Variants in MANBA observed in about 807,000 individuals in gnomAD.
MANBA encodes beta-mannosidase.
A neutral mutation model predicts 111.1 loss-of-function variants in MANBA; 83 were observed. That is an observed-to-expected ratio of 0.75 (90% CI 0.63 to 0.90). MANBA has a LOEUF of 0.90. MANBA is among the 40% of genes least tolerant of loss of function. The pLI is 0.00. For synonymous variants in MANBA, 370 were observed against 378.7 expected (o/e 0.98, Z 0.27); for missense variants, 1,036 against 1,069.0 (o/e 0.97, Z 0.43).
chr4:102,751,372 A>T, intron 1 of MANBA: 1 of 388,378 alleles, frequency 2.6e-6, no homozygotes, highest in Middle Eastern at 8.9e-4. Flanking sequence ...CTCTCTACTA[A>T]CCCAAAAGTC....
intron 14 of MANBA, among the ~76,000 whole-genome samples, chr4:102,636,629 A>G (rs1323184023): frequency 7.2e-4 from 110 of 152,194 alleles, no homozygotes; most frequent in Non-Finnish European, 1.9e-4. Flanking sequence ...TTATTGAGCC[A>G]ATCAACATGG....
At chr4:102,632,360 T>A in intron 16 of MANBA, 79 bp from the exon 17 acceptor site, 1 of 1,159,302 alleles carries the variant, frequency 8.6e-7, no homozygotes, top group East Asian at 2.4e-5. Context: ...CCTGTAAACA[T>A]TTATGTGGGC....
chr4:102,654,123 T>C (rs2978641), intron 12 of MANBA, among the ~76,000 whole-genome samples: 71,014 of 151,892 alleles, frequency 0.47, 16,916 homozygotes, highest in South Asian at 0.53. Flanking sequence ...GTGGGTAGAT[T>C]ATTGTCGAAT....
In MANBA at chr4:102,673,507, C is replaced by CAA. The variant is rs879403766; in HGVS notation, c.1112+410_1112+411dup. ...TGGGCAACAGAGCAAGACTCCATCT[C>CAA]AAAAAAAAAAAAAAGGTAAATATGT... On this transcript the variant is annotated intron_variant, in intron 8 of 16. Transcript: ENST00000647097. 3.4e-3 allele frequency among the ~76,000 whole-genome samples: 388 copies of CAA among 112,544 alleles called. 2 individuals carry two copies. Among genetic ancestry groups the CAA allele is most frequent in the African/African-American group, 0.012 (364 of 29,794 alleles). The allele number at this position is 112,544 out of a possible 152,430, so 73.8% of individuals were successfully genotyped here. A position where few individuals can be genotyped will look rare whatever the true frequency, so the allele number is the denominator to read the frequency against.
chr4:102,733,815 G>A (rs1407547653), intron 1 of MANBA, among the ~76,000 whole-genome samples: 1 of 152,160 alleles, frequency 6.6e-6, no homozygotes, highest in Non-Finnish European at 1.5e-5. Context: ...TTGTAGAATG[G>A]ATGCTTTCCT....
At chr4:102,721,824 T>TA (rs1271084481) in intron 4 of MANBA, among the ~76,000 whole-genome samples, 3 of 151,964 alleles carry the variant, frequency 2.0e-5, no homozygotes, top group East Asian at 1.9e-4. Flanking sequence ...GCCTTAGAGT[T>TA]AGAGACCAGC....
intron 14 of MANBA, 77 bp downstream of exon 14, chr4:102,639,636 C>T: frequency 1.3e-6 from 2 of 1,586,822 alleles, no homozygotes; most frequent in South Asian, 1.1e-5. Context: ...CTGACCCCTC[C>T]AGCACTGTGC....
intron 5 of MANBA, among the ~76,000 whole-genome samples, chr4:102,703,479 C>T (rs1560785012): frequency 6.6e-6 from 1 of 152,198 alleles, no homozygotes; most frequent in African/African-American, 2.4e-5. Flanking sequence ...GCAGGACTAA[C>T]AAATTAGCTA....
chr4:102,724,309 G>A (rs958352006), intron 2 of MANBA, among the ~76,000 whole-genome samples: 3 of 152,170 alleles, frequency 2.0e-5, no homozygotes, highest in Non-Finnish European at 4.4e-5. Context: ...TGTAATCCCA[G>A]CACTTTGGGA....
intron 11 of MANBA, among the ~76,000 whole-genome samples, chr4:102,659,990 G>A (rs1447932616): frequency 6.6e-6 from 1 of 151,930 alleles, no homozygotes; most frequent in African/African-American, 2.4e-5. Context: ...ATGGCTTCCC[G>A]TCACATGGAT....
intron 1 of MANBA, 93 bp downstream of exon 1, chr4:102,760,625 C>T: frequency 1.5e-6 from 2 of 1,342,672 alleles, no homozygotes; most frequent in South Asian, 1.5e-5. Flanking sequence ...CGAGAATGGC[C>T]CAGAGCTGGG....
intron 1 of MANBA, among the ~76,000 whole-genome samples, chr4:102,743,488 C>A (rs1244501340): frequency 6.6e-6 from 1 of 152,140 alleles, no homozygotes; most frequent in African/African-American, 2.4e-5. Context: ...ATCTATAAAC[C>A]AGGCCCTAGT....
intron 11 of MANBA, among the ~76,000 whole-genome samples, chr4:102,660,604 T>G (rs894769937): frequency 6.6e-6 from 1 of 151,688 alleles, no homozygotes; most frequent in Non-Finnish European, 1.5e-5. Context: ...TACAGGCACA[T>G]GTCACTATGC....
chr4:102,656,426 A>G (rs1042469857), intron 12 of MANBA, among the ~76,000 whole-genome samples: 1 of 152,208 alleles, frequency 6.6e-6, no homozygotes, highest in Non-Finnish European at 1.5e-5. Context: ...AAAGAAAATA[A>G]CAAGTGTTGG....
chr4:102,738,458 C>A (rs1421921332), intron 1 of MANBA, among the ~76,000 whole-genome samples: 1 of 152,226 alleles, frequency 6.6e-6, no homozygotes, highest in African/African-American at 2.4e-5. Flanking sequence ...CATCAGCCTG[C>A]AGGCCAGTAG....
At chr4:102,760,005 T>A (rs1321853391) in intron 1 of MANBA, among the ~76,000 whole-genome samples, 3 of 152,050 alleles carry the variant, frequency 2.0e-5, no homozygotes, top group Non-Finnish European at 4.4e-5. Flanking sequence ...AGGATGGAAG[T>A]CAGTTTGCAA....
intron 11 of MANBA, among the ~76,000 whole-genome samples, chr4:102,663,942 G>A (rs553194069): frequency 2.0e-5 from 3 of 152,278 alleles, no homozygotes; most frequent in Non-Finnish European, 2.9e-5. Flanking sequence ...GCCATACAGC[G>A]GGGTTGGAGA....
intron 13 of MANBA, among the ~76,000 whole-genome samples, chr4:102,640,286 A>G (rs1560741602): frequency 6.6e-5 from 10 of 152,238 alleles, no homozygotes; most frequent in Admixed American, 4.6e-4. Flanking sequence ...AAAAAATTCT[A>G]TAAGAAAAAT....
At chr4:102,737,746 T>C (rs2110203649) in intron 1 of MANBA, among the ~76,000 whole-genome samples, 1 of 152,254 alleles carries the variant, frequency 6.6e-6, no homozygotes, top group Non-Finnish European at 1.5e-5. Flanking sequence ...CCTCCCAAAC[T>C]GCTGGGATGA....
Sources: gnomAD v4.1 joint callset for allele counts (sites outside exome capture counted in the v4.1 genomes callset) on GRCh38, gnomAD v4.1.1 for gene constraint, MANE v1.5 for transcripts, NCBI Gene and HGNC (gene_info 2026-07-23, HGNC 2026-07-21) for gene names.